Variants in CDKAL1 observed in about 807,000 individuals in gnomAD.
The protein encoded by CDKAL1 is threonylcarbamoyladenosine tRNA methylthiotransferase.
A neutral mutation model predicts 68.2 loss-of-function variants in CDKAL1; 32 were observed. The ratio of observed to expected loss-of-function variants is 0.47; its 90% CI spans 0.35 to 0.63. The LOEUF is 0.63. Among genes scored for constraint, CDKAL1 ranks in the 30% least tolerant of loss-of-function variants. The pLI, the probability that CDKAL1 is intolerant of heterozygous loss-of-function variation, is 0.00. For synonymous variants in CDKAL1, 234 were observed against 244.3 expected (o/e 0.96, Z 0.39); for missense variants, 606 against 696.7 (o/e 0.87, Z 1.47).
In CDKAL1 at chr6:20,761,279, A is replaced by G. The variant is rs114784103; in HGVS notation, c.517+2636A>G. On this transcript the variant is annotated intron_variant, in intron 7 of 15. Transcript: ENST00000274695. The stretch of plus-strand genomic sequence containing the variant: ...AAATCCAAAACATTGACAACACCAA[A>G]TTCTGGCAAGGATATGGAGCAACAG... Among the ~76,000 whole-genome samples the G allele has an allele frequency of 3.5e-3, 526 of 152,344 alleles. 1 individual carries two copies. Among genetic ancestry groups the G allele is most frequent in the Middle Eastern group, 0.024 (7 of 294 alleles).
chr6:20,732,263 C>CTTTTTTTTTTTTTTTTTTTTTTTT (rs56911987), intron 5 of CDKAL1, among the ~76,000 whole-genome samples: 1 of 83,486 alleles, frequency 1.2e-5, no homozygotes. Context: ...TTCTTTCTTT[C>CTTTTTTTTTTTTTTTTTTTTTTTT]TTTTTTTTTT....
chr6:20,979,149 A>T (rs934501409), intron 10 of CDKAL1, among the ~76,000 whole-genome samples: 1 of 152,234 alleles, frequency 6.6e-6, no homozygotes, highest in Non-Finnish European at 1.5e-5. Flanking sequence ...CCCTAGCGGC[A>T]TATACCAGGT....
At chr6:20,648,128 AT>A (rs547345216) in intron 4 of CDKAL1, among the ~76,000 whole-genome samples, 806 of 136,600 alleles carry the variant, frequency 5.9e-3, no homozygotes, top group Middle Eastern at 7.5e-3. Context: ...TACTGGGGGA[AT>A]TTTTTTTTTT....
intron 9 of CDKAL1, among the ~76,000 whole-genome samples, chr6:20,849,439 C>T (rs544991945): frequency 5.2e-4 from 79 of 151,978 alleles, no homozygotes; most frequent in African/African-American, 1.8e-3. Context: ...AAAAATTAGC[C>T]GGGCGTGGTG....
At chr6:20,766,025 C>A (rs990644885) in intron 7 of CDKAL1, among the ~76,000 whole-genome samples, 2 of 152,078 alleles carry the variant, frequency 1.3e-5, no homozygotes, top group African/African-American at 2.4e-5. Flanking sequence ...GTATTTTTAG[C>A]CATTAAGGCT....
chr6:20,865,685 AAG>A (rs945806648), intron 9 of CDKAL1, among the ~76,000 whole-genome samples: 1 of 152,188 alleles, frequency 6.6e-6, no homozygotes, highest in Admixed American at 6.5e-5. Context: ...TTTAAAATAA[AAG>A]AAAAATCTGC....
chr6:20,595,609 G>C (rs1765786019), intron 4 of CDKAL1, among the ~76,000 whole-genome samples: 1 of 151,764 alleles, frequency 6.6e-6, no homozygotes, highest in Admixed American at 6.6e-5. Flanking sequence ...CCTTGCATTG[G>C]GTTAGAACAT....
In CDKAL1 at chr6:21,167,503, G is replaced by A. The variant is rs183929097; in HGVS notation, c.1300-30518G>A. On this transcript the variant is annotated intron_variant, in intron 13 of 15. Transcript: ENST00000274695. Reference sequence around the variant, plus strand: ...TAGCCACTTAACTTTAAATCATTTAGCCCATGTCACCAGAATTATTCTTTT... The same window carrying A: ...TAGCCACTTAACTTTAAATCATTTAACCCATGTCACCAGAATTATTCTTTT... Among the ~76,000 whole-genome samples, 254 of 152,228 alleles carry A rather than the reference G, an allele frequency of 1.7e-3. No individual in the cohort carries two copies. In the Middle Eastern group the frequency reaches 0.021, roughly 12 times the overall value.
intron 2 of CDKAL1, among the ~76,000 whole-genome samples, chr6:20,540,742 C>T (rs1763359379): frequency 6.6e-6 from 1 of 152,196 alleles, no homozygotes; most frequent in Non-Finnish European, 1.5e-5. Context: ...AGGCGTGAGC[C>T]ACCATGCCCA....
At chr6:20,887,963 G>A (rs553254151) in intron 9 of CDKAL1, among the ~76,000 whole-genome samples, 1 of 151,740 alleles carries the variant, frequency 6.6e-6, no homozygotes, top group Non-Finnish European at 1.5e-5. Context: ...ATTTTTTTTG[G>A]TGGAACATAA....
chr6:21,054,497 G>A (rs1052782094), intron 11 of CDKAL1, among the ~76,000 whole-genome samples: 4 of 152,070 alleles, frequency 2.6e-5, no homozygotes, highest in Non-Finnish European at 5.9e-5. Context: ...AATACTTGCT[G>A]TTATTTTGAT....
intron 9 of CDKAL1, among the ~76,000 whole-genome samples, chr6:20,891,677 G>A (rs1258793242): frequency 6.6e-6 from 1 of 151,942 alleles, no homozygotes; most frequent in Non-Finnish European, 1.5e-5. Context: ...TGGGACTACA[G>A]GCATGCGCCA....
intron 9 of CDKAL1, among the ~76,000 whole-genome samples, chr6:20,914,878 G>C (rs915774222): frequency 6.6e-6 from 1 of 152,028 alleles, no homozygotes; most frequent in African/African-American, 2.4e-5. Flanking sequence ...GTATCACTAA[G>C]GTATTGCTCA....
chr6:21,042,890 T>A (rs1053832158), intron 11 of CDKAL1, among the ~76,000 whole-genome samples: 5 of 152,192 alleles, frequency 3.3e-5, no homozygotes, highest in African/African-American at 1.2e-4. Context: ...GTGATTTGTT[T>A]CTTTCTACCT....
chr6:21,002,498 G>A (rs73733187), intron 11 of CDKAL1, among the ~76,000 whole-genome samples: 18,606 of 151,898 alleles, frequency 0.12, 2,240 homozygotes, highest in African/African-American at 0.32. Flanking sequence ...TTAAATTAAC[G>A]CTGTATTGTG....
At chr6:20,538,109 T>C (rs920144814) in intron 2 of CDKAL1, among the ~76,000 whole-genome samples, 2 of 152,104 alleles carry the variant, frequency 1.3e-5, no homozygotes, top group Non-Finnish European at 2.9e-5. Flanking sequence ...CCAGAAGGGG[T>C]GTACCAGTTT....
chr6:21,089,348 A>G (rs75867176), intron 12 of CDKAL1, among the ~76,000 whole-genome samples: 1 of 151,988 alleles, frequency 6.6e-6, no homozygotes, highest in African/African-American at 2.4e-5. Flanking sequence ...GTGGTGGTGC[A>G]CACCTGTAGT....
chr6:20,901,359 G>T (rs914190966), intron 9 of CDKAL1, among the ~76,000 whole-genome samples: 1 of 151,848 alleles, frequency 6.6e-6, no homozygotes, highest in South Asian at 2.1e-4. Flanking sequence ...ACATAACTAT[G>T]TCACCAGCAC....
At chr6:20,589,670 T>C (rs1205549769) in intron 4 of CDKAL1, among the ~76,000 whole-genome samples, 1 of 152,224 alleles carries the variant, frequency 6.6e-6, no homozygotes, top group Non-Finnish European at 1.5e-5. Context: ...AAGAACATAC[T>C]ACTAAAAGTA....
Sources: gnomAD v4.1 joint callset for allele counts (sites outside exome capture counted in the v4.1 genomes callset) on GRCh38, gnomAD v4.1.1 for gene constraint, MANE v1.5 for transcripts, NCBI Gene and HGNC (gene_info 2026-07-23, HGNC 2026-07-21) for gene names.